Variants in KLHL3 observed in about 807,000 individuals in gnomAD.
KLHL3 encodes kelch like family member 3, also known as kelch-like protein 3.
Under a neutral mutation model 70.5 loss-of-function variants are expected in KLHL3, and 19 were observed. The ratio of observed to expected loss-of-function variants is 0.27; its 90% CI spans 0.19 to 0.40. The LOEUF is 0.40. KLHL3 is among the 10% of genes least tolerant of loss of function. The probability of loss-of-function intolerance (pLI) is 1.00; values close to 1 mark genes in which losing one functional copy is unlikely to be tolerated. For synonymous variants in KLHL3, 258 were observed against 290.3 expected (o/e 0.89, Z 1.13); for missense variants, 512 against 771.1 (o/e 0.66, Z 3.98).
At position 137,673,015 on chromosome 5, in the gene KLHL3, C is replaced by T. The variant is rs114256328; in HGVS notation, c.636+4530G>A. ...TGATAGATGCACCTGACAGCAATAA[C>T]TTAAGCATACCCTGAGAATGACTCT... is the stretch of plus-strand genomic sequence containing the variant. On this transcript the variant is annotated intron_variant, in intron 6 of 14. Coordinates refer to ENST00000309755, the MANE Select transcript of KLHL3 (RefSeq NM_017415.3). 297 of 152,316 alleles carry T rather than the reference C, an allele frequency of 1.9e-3. 2 individuals carry two copies. The highest frequency in any genetic ancestry group is 6.8e-3 in the African/African-American group (281 of 41,552). The allele number at this position is 152,316 out of a possible 1,614,324, so 9.4% of individuals were successfully genotyped here.
chr5:137,722,244 A>C (rs1753010270), intron 1 of KLHL3, among the ~76,000 whole-genome samples: 1 of 152,242 alleles, frequency 6.6e-6, no homozygotes, highest in Non-Finnish European at 1.5e-5. Flanking sequence ...CTATTGGAAC[A>C]TTCAAATACG....
intron 10 of KLHL3, 134 bp downstream of exon 10, chr5:137,638,819 A>C: frequency 1.2e-6 from 1 of 806,276 alleles, no homozygotes; most frequent in Non-Finnish European, 2.0e-6. Flanking sequence ...TGGATGAGGA[A>C]GAAGAGTGGA....
Position 137,639,575 on chromosome 5 carries a change from T to A in KLHL3, c.1021+285A>T, listed in dbSNP as rs1453132077. Among the ~76,000 whole-genome samples, 1 of 151,978 alleles carries A rather than the reference T, an allele frequency of 6.6e-6. No individual in the cohort carries two copies. Among genetic ancestry groups the A allele is most frequent in the East Asian group, 1.9e-4 (1 of 5,174 alleles). ...TGGGCATGGTGGTGCACGCCTGTAA[T>A]CCCAGCTACTTGGAAGGCTGAGGTG... On this transcript the variant is annotated intron_variant, in intron 9 of 14. Transcript: ENST00000309755. The surrounding 1 kb of genome is among the most constrained non-coding windows in gnomAD (Gnocchi z 5.0).
At chr5:137,633,601 G>C (rs756774041) in intron 12 of KLHL3, among the ~76,000 whole-genome samples, 15 of 152,164 alleles carry the variant, frequency 9.9e-5, no homozygotes, top group South Asian at 4.1e-4. Flanking sequence ...AGAAAATATA[G>C]TATGTATACA....
intron 12 of KLHL3, among the ~76,000 whole-genome samples, chr5:137,632,376 T>C (rs1750659348): frequency 6.6e-6 from 1 of 152,092 alleles, no homozygotes; most frequent in South Asian, 2.1e-4. Flanking sequence ...CAAGCTGATC[T>C]TCAAAAAAGT....
At chr5:137,684,435 C>A (rs1310063825) in intron 5 of KLHL3, among the ~76,000 whole-genome samples, 1 of 152,164 alleles carries the variant, frequency 6.6e-6, no homozygotes, top group African/African-American at 2.4e-5. Flanking sequence ...TTAATTACTT[C>A]ATTCCATGAT....
At chr5:137,695,764 T>C (rs1163933770) in intron 4 of KLHL3, among the ~76,000 whole-genome samples, 1 of 152,226 alleles carries the variant, frequency 6.6e-6, no homozygotes, top group Non-Finnish European at 1.5e-5. Flanking sequence ...GCAGCAGCAG[T>C]GACAAGATTA....
chr5:137,723,435 T>C (rs796275843), intron 1 of KLHL3, among the ~76,000 whole-genome samples: 4 of 152,378 alleles, frequency 2.6e-5, no homozygotes, highest in African/African-American at 9.6e-5. Context: ...TAGATTTTTC[T>C]GTATGAAGAC....
Position 137,621,262 on chromosome 5 carries a change from G to A in KLHL3, c.*836C>T, listed in dbSNP as rs1750286675. The A allele has an allele frequency of 6.5e-6, 1 of 152,696 alleles. No homozygotes were observed. Among genetic ancestry groups the A allele is most frequent in the Non-Finnish European group, 1.5e-5 (1 of 68,164 alleles). The allele number at this position is 152,696 out of a possible 1,614,324, so 9.5% of individuals were successfully genotyped here. A position where few individuals can be genotyped will look rare whatever the true frequency, so the allele number is the denominator to read the frequency against. ...GTTTTGTTTTGTTTTGTTTTTCAGT[G>A]TTACCCGAGGCTTCTCTGAAGAGCT... On this transcript the variant is annotated 3_prime_UTR_variant, in exon 15 of 15. Transcript: ENST00000309755.
At chr5:137,627,893 A>T (rs1344661351) in intron 13 of KLHL3, among the ~76,000 whole-genome samples, 1 of 152,224 alleles carries the variant, frequency 6.6e-6, no homozygotes, top group Non-Finnish European at 1.5e-5. Flanking sequence ...AAGTTCTCCT[A>T]GCCAGGCACT....
At chr5:137,691,680 G>T (rs984228271) in intron 5 of KLHL3, among the ~76,000 whole-genome samples, 1 of 151,582 alleles carries the variant, frequency 6.6e-6, no homozygotes, top group African/African-American at 2.4e-5. Flanking sequence ...GCGAAATCTC[G>T]GCTCACTGCA....
At chr5:137,642,168 G>C (rs919525601) in intron 8 of KLHL3, among the ~76,000 whole-genome samples, 2 of 152,298 alleles carry the variant, frequency 1.3e-5, no homozygotes, top group Middle Eastern at 3.4e-3. Flanking sequence ...AAGCTAAACT[G>C]AAGGAAAATA....
At position 137,639,551 on chromosome 5, in the gene KLHL3, G is replaced by A. The variant is rs1750856653; in HGVS notation, c.1021+309C>T. 6.6e-6 allele frequency among the ~76,000 whole-genome samples: 1 copy of A among 151,952 alleles called. No individual in the cohort carries two copies. The highest frequency in any genetic ancestry group is 1.5e-5 in the Non-Finnish European group (1 of 67,974). On this transcript the variant is annotated intron_variant, in intron 9 of 14. Transcript: ENST00000309755. This position sits in a 1 kb window ranked among gnomAD's most constrained non-coding sequence, Gnocchi z 5.0. ...TCTACTAAAAATGCAAAAATTAGCT[G>A]GGCATGGTGGTGCACGCCTGTAATC...
chr5:137,729,332 A>G (rs1157372203), intron 1 of KLHL3, among the ~76,000 whole-genome samples: 1 of 152,224 alleles, frequency 6.6e-6, no homozygotes, highest in South Asian at 2.1e-4. Context: ...CCAAAAACTA[A>G]GAATCAGACA....
intron 3 of KLHL3, 55 bp from the exon 4 acceptor site, chr5:137,698,463 A>G: frequency 6.2e-7 from 1 of 1,604,478 alleles, no homozygotes; most frequent in Non-Finnish European, 8.5e-7. Context: ...GGATATGTTT[A>G]CCTTCCAGAT....
At chr5:137,641,701 C>G (rs1750917718) in intron 8 of KLHL3, among the ~76,000 whole-genome samples, 2 of 152,166 alleles carry the variant, frequency 1.3e-5, no homozygotes, top group South Asian at 4.1e-4. Flanking sequence ...CCCCAATATT[C>G]CAGAACAGGC....
chr5:137,693,444 G>A (rs915470071), intron 4 of KLHL3, among the ~76,000 whole-genome samples: 6 of 152,182 alleles, frequency 3.9e-5, no homozygotes, highest in Middle Eastern at 3.4e-3. Flanking sequence ...TGGGTGCTCA[G>A]ACAGCCAACC....
Position 137,639,855 on chromosome 5 carries a change from C to T in KLHL3, c.1021+5G>A, listed in dbSNP as rs183499982. The T allele has an allele frequency of 8.6e-5, 138 of 1,610,600 alleles. 1 individual carries two copies. The East Asian group carries it at 3.0e-3, about 35-fold the overall frequency. On this transcript the variant is annotated splice_donor_5th_base_variant and intron_variant, in intron 9 of 14. Transcript: ENST00000309755. The surrounding 1 kb of genome is among the most constrained non-coding windows in gnomAD (Gnocchi z 5.0). ...AACAGCTTGCAGAACTGGGAGGCTGCTCACCTGCTCTGCATCTTCTGGAAG... is the reference window on the plus strand; with the variant it reads ...AACAGCTTGCAGAACTGGGAGGCTGTTCACCTGCTCTGCATCTTCTGGAAG...
intron 6 of KLHL3, among the ~76,000 whole-genome samples, chr5:137,665,121 T>A (rs549651681): frequency 6.6e-6 from 1 of 152,308 alleles, no homozygotes; most frequent in South Asian, 2.1e-4. Flanking sequence ...TTTGCAACAT[T>A]CTATAGGACG....
Sources: allele counts gnomAD v4.1 joint callset (sites outside exome capture counted in the v4.1 genomes callset), GRCh38; gene constraint gnomAD v4.1.1; non-coding constraint Gnocchi (gnomAD v3.1); transcripts MANE v1.5; gene names NCBI Gene and HGNC (gene_info 2026-07-23, HGNC 2026-07-21).